NEBL: variants seen among roughly 807,000 people sequenced by gnomAD.
NEBL encodes the protein LIM and SH3 protein 2.
In NEBL, 122 loss-of-function variants were observed where a neutral mutation model predicts 140.2. The ratio of observed to expected loss-of-function variants is 0.87; its 90% CI spans 0.75 to 1.01. The LOEUF (loss-of-function observed/expected upper bound fraction) is 1.01, where lower values mean the gene tolerates loss of function less well. Ranked by LOEUF, NEBL falls within the 50% of genes least tolerant of loss-of-function variation. NEBL has a pLI of 0.00. For synonymous variants in NEBL, 436 were observed against 398.9 expected, an observed-to-expected ratio of 1.09 and a Z score of -1.11; for missense variants, 1,365 against 1,231.3, an observed-to-expected ratio of 1.11 and a Z score of -1.62.
chr10:21,104,111 G>A (rs1046001149), intron 2 of NEBL, among the ~76,000 whole-genome samples: 5 of 151,998 alleles, frequency 3.3e-5, no homozygotes, highest in South Asian at 2.1e-4. Context: ...GCTCTACATC[G>A]CCCTGTATAT....
At chr10:21,258,806 G>A (rs11591397) in intron 1 of NEBL, among the ~76,000 whole-genome samples, 2,774 of 152,302 alleles carry the variant, frequency 0.018, 39 homozygotes, top group Non-Finnish European at 0.028. Flanking sequence ...TTGAACTCAG[G>A]AAGCAGAGGT....
At chr10:21,283,127 C>T (rs1843012981) in intron 1 of NEBL, among the ~76,000 whole-genome samples, 1 of 99,084 alleles carries the variant, frequency 1.0e-5, no homozygotes, top group South Asian at 4.3e-4. Context: ...CAGGGCAAGA[C>T]TGTGTCTCAA....
rs116647769 is a variant in NEBL at position 21,071,777 on chromosome 10, G to A, written c.165-51576C>T. Among the ~76,000 whole-genome samples the A allele has an allele frequency of 3.2e-3, 472 of 148,838 alleles. 2 individuals carry two copies. Among genetic ancestry groups the A allele is most frequent in the African/African-American group, 0.011 (445 of 40,078 alleles). ...TTCTTTTGCAGTTCCAAAGATCAGA[G>A]GTCCAAAATCAAAGTTACAATAGTG... On this transcript the variant is annotated intron_variant, in intron 2 of 6. Transcript: ENST00000417816.
intron 2 of NEBL, among the ~76,000 whole-genome samples, chr10:21,077,053 A>C (rs1030211580): frequency 1.4e-4 from 22 of 152,210 alleles, no homozygotes; most frequent in Non-Finnish European, 2.2e-4. Flanking sequence ...GGTAACCTTT[A>C]TGTTACGTAT....
intron 3 of NEBL, among the ~76,000 whole-genome samples, chr10:21,211,818 A>G (rs998721181): frequency 4.6e-5 from 7 of 152,228 alleles, no homozygotes; most frequent in Non-Finnish European, 7.3e-5. Context: ...GATGATGGAA[A>G]CGGATCTGTC....
At chr10:21,225,479 G>C (rs530187602) in intron 3 of NEBL, among the ~76,000 whole-genome samples, 1 of 152,296 alleles carries the variant, frequency 6.6e-6, no homozygotes, top group African/African-American at 2.4e-5. Context: ...AGGGTGGCAA[G>C]TTCCCCCAAC....
At chr10:21,214,493 T>TACACACATGC (rs1030146075) in intron 3 of NEBL, among the ~76,000 whole-genome samples, 3 of 150,330 alleles carry the variant, frequency 2.0e-5, no homozygotes, top group East Asian at 2.0e-4. Flanking sequence ...ACGCGCACAT[T>TACACACATGC]ACACACATGC....
intron 4 of NEBL, among the ~76,000 whole-genome samples, chr10:20,945,141 C>A (rs917508674): frequency 2.2e-4 from 33 of 152,190 alleles, no homozygotes; most frequent in African/African-American, 8.0e-4. Context: ...CGTGCAGTTT[C>A]CCTACATGCG....
intron 3 of NEBL, among the ~76,000 whole-genome samples, chr10:21,245,853 G>T (rs147485086): frequency 6.6e-6 from 1 of 152,136 alleles, no homozygotes; most frequent in Non-Finnish European, 1.5e-5. Context: ...CCACCACTAC[G>T]CCTGGCTAAT....
intron 11 of NEBL, chr10:20,845,618 T>C (rs1564376756): frequency 2.8e-5 from 11 of 393,540 alleles, no homozygotes; most frequent in Non-Finnish European, 3.7e-5. Context: ...AACATCTTAC[T>C]AGCCTAGGAT....
At chr10:20,917,123 G>A (rs1833339833) in intron 4 of NEBL, among the ~76,000 whole-genome samples, 1 of 152,150 alleles carries the variant, frequency 6.6e-6, no homozygotes, top group Non-Finnish European at 1.5e-5. Context: ...TTATCCATGT[G>A]TGCCTAGCAC....
intron 11 of NEBL, among the ~76,000 whole-genome samples, chr10:20,850,004 A>G (rs1178579436): frequency 6.6e-6 from 1 of 152,326 alleles, no homozygotes; most frequent in East Asian, 1.9e-4. Flanking sequence ...TTTCATTGAA[A>G]AAAAAAGGGG....
intron 3 of NEBL, among the ~76,000 whole-genome samples, chr10:21,012,632 C>A (rs1413295752): frequency 1.3e-5 from 2 of 152,078 alleles, no homozygotes; most frequent in Admixed American, 6.5e-5. Flanking sequence ...TTCAGCCTAC[C>A]AAAGCATTGG....
chr10:20,786,849 T>G (rs1475598802), intron 27 of NEBL, among the ~76,000 whole-genome samples: 1 of 152,244 alleles, frequency 6.6e-6, no homozygotes, highest in African/African-American at 2.4e-5. Context: ...GTGTTCATTT[T>G]GATTAAGATG....
chr10:21,260,049 A>C (rs1842719147), intron 1 of NEBL, among the ~76,000 whole-genome samples: 3 of 152,218 alleles, frequency 2.0e-5, no homozygotes, highest in Admixed American at 2.0e-4. Context: ...GGATCCAACC[A>C]ACCCAGTCCT....
At chr10:20,797,910 G>A (rs1302099542) in intron 26 of NEBL, among the ~76,000 whole-genome samples, 1 of 151,954 alleles carries the variant, frequency 6.6e-6, no homozygotes, top group Non-Finnish European at 1.5e-5. Flanking sequence ...AAACCAGCCT[G>A]GGCAACAGAG....
chr10:20,858,604 T>A (rs1384578393), intron 8 of NEBL, among the ~76,000 whole-genome samples: 1 of 152,188 alleles, frequency 6.6e-6, no homozygotes, highest in Non-Finnish European at 1.5e-5. Flanking sequence ...AATAAAGTAA[T>A]TTTCACAGTA....
At chr10:21,158,879 T>C (rs373477985) in intron 2 of NEBL, among the ~76,000 whole-genome samples, 2 of 152,240 alleles carry the variant, frequency 1.3e-5, no homozygotes, top group East Asian at 3.8e-4. Flanking sequence ...TCATCGTTTA[T>C]TATCACAATT....
At chr10:20,895,965 T>C (rs1193972723) in intron 2 of NEBL, among the ~76,000 whole-genome samples, 1 of 152,212 alleles carries the variant, frequency 6.6e-6, no homozygotes, top group Non-Finnish European at 1.5e-5. Flanking sequence ...CCAGGTTCCA[T>C]AACCTTCCCA....
Sources: allele counts gnomAD v4.1 joint callset (sites outside exome capture counted in the v4.1 genomes callset), GRCh38; gene constraint gnomAD v4.1.1; transcripts MANE v1.5; gene names NCBI Gene and HGNC (gene_info 2026-07-23, HGNC 2026-07-21).